MAP7D1: variants seen among roughly 807,000 people sequenced by gnomAD.
MAP7D1 encodes MAP7 domain-containing protein 1.
MAP7D1 carries 30 observed loss-of-function variants against 97.5 expected under a neutral mutation model. The ratio of observed to expected loss-of-function variants is 0.31; its 90% CI spans 0.23 to 0.42. The LOEUF is 0.42. Among genes scored for constraint, MAP7D1 ranks in the 10% least tolerant of loss-of-function variants. The probability of loss-of-function intolerance (pLI) is 1.00; values close to 1 mark genes in which losing one functional copy is unlikely to be tolerated. For missense variants in MAP7D1, 1,184 were observed against 1,179.5 expected (o/e 1.00, Z -0.06); for synonymous variants, 536 against 477.1 (o/e 1.12, Z -1.61).
At position 36,178,372 on chromosome 1, in the gene MAP7D1, G is replaced by A. The variant is rs551513340; in HGVS notation, c.1709-47G>A. ...ACACAGGCCGCTGGGAGATGACGGC[G>A]GTGTCTGCGTGGGTGTGCTGACGCC... On this transcript the variant is annotated intron_variant, in intron 9 of 16. Coordinates refer to ENST00000474796, the MANE Select transcript of MAP7D1 (RefSeq NM_001388490.1). The A allele has an allele frequency of 7.6e-6, 12 of 1,569,692 alleles. No individual in the cohort carries two copies. The African/African-American group carries it at 1.4e-4, about 18-fold the overall frequency.
chr1:36,162,492 C>G (rs1644426415), intron 1 of MAP7D1, among the ~76,000 whole-genome samples: 1 of 152,222 alleles, frequency 6.6e-6, no homozygotes, highest in Non-Finnish European at 1.5e-5. Context: ...GTTTTGTCAT[C>G]AGACAACTCT....
At chr1:36,168,039 G>A (rs1242509400) in intron 1 of MAP7D1, among the ~76,000 whole-genome samples, 3 of 152,184 alleles carry the variant, frequency 2.0e-5, no homozygotes, top group Non-Finnish European at 2.9e-5. Flanking sequence ...GCTCACGCCT[G>A]TAATCCCAGC....
At chr1:36,175,185 A>C (rs1346143759) in intron 6 of MAP7D1, among the ~76,000 whole-genome samples, 177 bp downstream of exon 6, 1 of 151,998 alleles carries the variant, frequency 6.6e-6, no homozygotes, top group Non-Finnish European at 1.5e-5. Flanking sequence ...ATGGGTCTGG[A>C]CCCTGAGGAC....
chr1:36,178,986 C>T lies in MAP7D1; in HGVS notation c.2091C>T (p.His697=). The stretch of plus-strand genomic sequence containing the variant: ...GGCAGCGTCTGGAGCGGGAAAAGCA[C>T]TTCCAGCAGCAGGAGCAAGAGCGGC... ...AERQRLEREK[H]FQQQEQERQE... The change falls in exon 12 of 17, where the codon CAC becomes CAT. Residue 697 remains histidine, a synonymous_variant. Coordinates refer to ENST00000474796, the MANE Select transcript of MAP7D1 (RefSeq NM_001388490.1). The T allele has an allele frequency of 6.4e-7, 1 of 1,558,024 alleles. No homozygotes were observed. The highest frequency in any genetic ancestry group is 8.7e-7 in the Non-Finnish European group (1 of 1,151,346).
At chr1:36,174,442 G>T (rs1644589416) in intron 5 of MAP7D1, among the ~76,000 whole-genome samples, 1 of 152,188 alleles carries the variant, frequency 6.6e-6, no homozygotes, top group Non-Finnish European at 1.5e-5. Flanking sequence ...TTGTGATTCT[G>T]GATGAACACG....
intron 1 of MAP7D1, among the ~76,000 whole-genome samples, chr1:36,161,712 T>G (rs963570754): frequency 6.6e-6 from 1 of 152,156 alleles, no homozygotes; most frequent in Non-Finnish European, 1.5e-5. Flanking sequence ...TGTATAAATA[T>G]TCCGGGGACA....
chr1:36,174,298 T>A (rs1245235424), intron 5 of MAP7D1, among the ~76,000 whole-genome samples: 1 of 152,238 alleles, frequency 6.6e-6, no homozygotes, highest in Non-Finnish European at 1.5e-5. Flanking sequence ...TGCTTCGATC[T>A]GTTTGTGGCT....
intron 1 of MAP7D1, among the ~76,000 whole-genome samples, chr1:36,162,913 G>A (rs142607685): frequency 2.0e-5 from 3 of 152,226 alleles, no homozygotes; most frequent in Non-Finnish European, 2.9e-5. Flanking sequence ...AGACTCTGGG[G>A]CTGCAAAAAG....
At chr1:36,167,382 G>A (rs1041672262) in intron 1 of MAP7D1, among the ~76,000 whole-genome samples, 1 of 152,196 alleles carries the variant, frequency 6.6e-6, no homozygotes, top group African/African-American at 2.4e-5. Context: ...AGGAAGATGA[G>A]GGATGGAAAA....
Position 36,176,604 on chromosome 1 carries a change from G to A in MAP7D1, c.1233+23G>A. The A allele has an allele frequency of 6.5e-7, 1 of 1,539,958 alleles. No individual in the cohort carries two copies. The highest frequency in any genetic ancestry group is 8.8e-7 in the Non-Finnish European group (1 of 1,141,760). On this transcript the variant is annotated intron_variant, in intron 7 of 16. Coordinates refer to ENST00000474796, the MANE Select transcript of MAP7D1 (RefSeq NM_001388490.1). This position sits in a 1 kb window ranked among gnomAD's most constrained non-coding sequence, Gnocchi z 6.1. ...CCGGTGAGTGGCTCTACTGGCTCGA[G>A]TGGCCGCGCAGGTGGGGACAGGCAG... is the stretch of plus-strand genomic sequence containing the variant.
chr1:36,168,497 C>T (rs1294110753), intron 1 of MAP7D1, among the ~76,000 whole-genome samples: 1 of 152,052 alleles, frequency 6.6e-6, no homozygotes, highest in Non-Finnish European at 1.5e-5. Context: ...TTGTTGACTA[C>T]TGGAATTGGT....
rs542186710 is a variant in MAP7D1, at chr1:36,171,841, G to A, written c.460+260G>A. On this transcript the variant is annotated intron_variant, in intron 3 of 16. Coordinates refer to ENST00000474796, the MANE Select transcript of MAP7D1 (RefSeq NM_001388490.1). ...CCCAGCTACTCGGGAGACTGAGATA[G>A]GAGAACTGCTTGAACCTGGGAGGCG... 1.1e-5 allele frequency: 3 copies of A among 281,000 alleles called. No individual in the cohort carries two copies. In the East Asian group the frequency reaches 2.7e-4, roughly 26 times the overall value. 17.4% of individuals were successfully genotyped at this position (281,000 alleles called of 1,614,324 possible). A position where few individuals can be genotyped will look rare whatever the true frequency, so the allele number is the denominator to read the frequency against.
chr1:36,158,740 CG>C (rs776367991), intron 1 of MAP7D1, among the ~76,000 whole-genome samples: 68 of 152,118 alleles, frequency 4.5e-4, no homozygotes, highest in South Asian at 1.0e-3. Flanking sequence ...CTTCTGCAAC[CG>C]GTGCCAGCAG....
Position 36,178,097 on chromosome 1 carries a change from A to G in MAP7D1, c.1604A>G (p.Asn535Ser). 6.2e-7 allele frequency: 1 copy of G among 1,602,460 alleles called. No homozygotes were observed. The highest frequency in any genetic ancestry group is 8.5e-7 in the Non-Finnish European group (1 of 1,175,216). ...DKSQSKRRAS[N>S]EKESAAPASP... ...AGCCAGAGCAAGCGCAGGGCCAGTA[A>G]CGAGAAGGAGTCAGCAGCCCCAGCC... Residue 535 changes from asparagine (N) to serine (S), a missense_variant, in exon 9 of 17, where the codon AAC becomes AGC. Transcript: ENST00000474796.
chr1:36,156,926 C>G (rs1433401842), intron 1 of MAP7D1, among the ~76,000 whole-genome samples: 2 of 152,140 alleles, frequency 1.3e-5, no homozygotes, highest in Non-Finnish European at 2.9e-5. Flanking sequence ...ACGCCTCGGC[C>G]TTAGTGCCCG....
intron 1 of MAP7D1, among the ~76,000 whole-genome samples, chr1:36,161,496 T>G (rs2124202748): frequency 6.6e-6 from 1 of 152,358 alleles, no homozygotes; most frequent in African/African-American, 2.4e-5. Flanking sequence ...AGTAAGTGTC[T>G]TAATCTCTGA....
At position 36,171,170 on chromosome 1, in the gene MAP7D1, G is replaced by C. The variant is rs200123517; in HGVS notation, c.246G>C (p.Pro82=). The part of the protein sequence containing the change: ...SGQVGPRPAP[P]QEESPSSEAK... ...AGGTCGGGCCTAGGCCAGCCCCCCCGCAGGAAGAGTCCCCTTCCTCTGAAG... is the reference window on the plus strand; with the variant it reads ...AGGTCGGGCCTAGGCCAGCCCCCCCCCAGGAAGAGTCCCCTTCCTCTGAAG... The change falls in exon 2 of 17, where the codon CCG becomes CCC. Residue 82 remains proline, a synonymous_variant. Coordinates refer to ENST00000474796, the MANE Select transcript of MAP7D1 (RefSeq NM_001388490.1). 1.2e-6 allele frequency: 2 copies of C among 1,613,418 alleles called. No individual in the cohort carries two copies. The highest frequency in any genetic ancestry group is 1.3e-5 in the African/African-American group (1 of 74,912).
intron 6 of MAP7D1, 144 bp downstream of exon 6, chr1:36,175,152 G>C (rs1644600879): frequency 3.1e-6 from 2 of 641,306 alleles, no homozygotes; most frequent in Non-Finnish European, 5.6e-6. Flanking sequence ...CCAGGGCTCT[G>C]TGCCCCTCGG....
chr1:36,173,243 G>A, intron 4 of MAP7D1, 121 bp from the exon 5 acceptor site: 1 of 726,874 alleles, frequency 1.4e-6, no homozygotes, highest in Admixed American at 2.5e-5. Flanking sequence ...CAATGAGTCA[G>A]GAAAAGACTC....
Sources: gnomAD v4.1 joint callset for allele counts (sites outside exome capture counted in the v4.1 genomes callset) on GRCh38, gnomAD v4.1.1 for gene constraint, Gnocchi (gnomAD v3.1) non-coding constraint, MANE v1.5 for transcripts, NCBI Gene and HGNC (gene_info 2026-07-23, HGNC 2026-07-21) for gene names.